R3HDM4: variants seen among roughly 807,000 people sequenced by gnomAD.
R3HDM4 encodes the protein R3H domain-containing protein 4.
Under a neutral mutation model 31.3 loss-of-function variants are expected in R3HDM4, and 30 were observed. The observed-to-expected ratio is 0.96, with a 90% CI of 0.72 to 1.30. The LOEUF is 1.30. R3HDM4 is among the 50% of genes most tolerant of loss of function. The pLI is 0.00. For synonymous variants in R3HDM4, 196 were observed against 156.6 expected (o/e 1.25, Z -1.88); for missense variants, 444 against 366.1 (o/e 1.21, Z -1.74).
chr19:897,235 T>C lies in R3HDM4; in HGVS notation c.*202A>G. The stretch of plus-strand genomic sequence containing the variant: ...AGTCCCGGAGTGGGAAGCTTGGAGC[T>C]GGGATGGCATGGGCAGCCCCAGCCG... On this transcript the variant is annotated 3_prime_UTR_variant, in exon 8 of 8. Transcript: ENST00000361574. 1.9e-6 allele frequency: 1 copy of C among 516,354 alleles called. No individual in the cohort carries two copies. Among genetic ancestry groups the C allele is most frequent in the Non-Finnish European group, 3.4e-6 (1 of 293,118 alleles). The allele number at this position is 516,354 out of a possible 1,614,324, so 32.0% of individuals were successfully genotyped here. A position where few individuals can be genotyped will look rare whatever the true frequency, so the allele number is the denominator to read the frequency against.
rs752179633 is a variant in R3HDM4 at position 899,681 on chromosome 19, C to G, written c.567G>C (p.Thr189=). 6.3e-7 allele frequency: 1 copy of G among 1,590,116 alleles called. No individual in the cohort carries two copies. The highest frequency in any genetic ancestry group is 8.6e-7 in the Non-Finnish European group (1 of 1,167,640). Residue 189 remains threonine (T), a synonymous_variant, in exon 6 of 8, where the codon ACG becomes ACC. Coordinates refer to ENST00000361574, the MANE Select transcript of R3HDM4 (RefSeq NM_138774.4). The surrounding 1 kb of genome is among the most constrained non-coding windows in gnomAD (Gnocchi z 6.8). ...GCAGCCGCTCCTCCCAGGTCTCCAGCGTTTCCTGGGGAGAGCGGCCCGGTG... is the reference window on the plus strand; with the variant it reads ...GCAGCCGCTCCTCCCAGGTCTCCAGGGTTTCCTGGGGAGAGCGGCCCGGTG... ...VLKRSRIPME[T]LETWEERLLR...
intron 1 of R3HDM4, among the ~76,000 whole-genome samples, chr19:904,211 C>T (rs1246530514): frequency 6.6e-6 from 1 of 152,192 alleles, no homozygotes; most frequent in Non-Finnish European, 1.5e-5. Context: ...GCTCCAACCC[C>T]ACAGTGGCAC....
intron 1 of R3HDM4, 112 bp downstream of exon 1, chr19:912,974 AG>A: frequency 7.0e-6 from 2 of 287,634 alleles, no homozygotes; most frequent in Non-Finnish European, 1.0e-5. Context: ...AGGGGAACGA[AG>A]GGAACGAGGG....
chr19:899,418 C>A lies in R3HDM4; in HGVS notation c.703+22G>T. On this transcript the variant is annotated intron_variant, in intron 7 of 7. Coordinates refer to ENST00000361574, the MANE Select transcript of R3HDM4 (RefSeq NM_138774.4). The surrounding 1 kb of genome is among the most constrained non-coding windows in gnomAD (Gnocchi z 6.8). ...CAGGTTGAGCTGGCCAACTTGGGGT[C>A]TTGGGGGCCACCGGCACTTACTGGC... 1 of 1,612,678 alleles carries A rather than the reference C, an allele frequency of 6.2e-7. No homozygotes were observed. The highest frequency in any genetic ancestry group is 1.1e-5 in the South Asian group (1 of 91,064).
chr19:907,693 G>A lies in R3HDM4; in HGVS notation c.71+5394C>T, dbSNP rs1351007458. Among the ~76,000 whole-genome samples the A allele has an allele frequency of 6.6e-6, 1 of 152,098 alleles. No homozygotes were observed. The highest frequency in any genetic ancestry group is 1.5e-5 in the Non-Finnish European group (1 of 68,016). On this transcript the variant is annotated intron_variant, in intron 1 of 7. Transcript: ENST00000361574. This position sits in a 1 kb window ranked among gnomAD's most constrained non-coding sequence, Gnocchi z 4.1. ...CCTCCAGGCCCACAAGGACCTGCCT[G>A]GTCCTTCCCCTGCTCCAGCACAGCC... is the stretch of plus-strand genomic sequence containing the variant.
At chr19:904,915 C>A (rs899743698) in intron 1 of R3HDM4, among the ~76,000 whole-genome samples, 1 of 152,018 alleles carries the variant, frequency 6.6e-6, no homozygotes, top group African/African-American at 2.4e-5. Context: ...CAAAAGTAAA[C>A]AAGCTGATTG....
chr19:898,865 C>T (rs530633940), intron 7 of R3HDM4, among the ~76,000 whole-genome samples: 1 of 152,266 alleles, frequency 6.6e-6, no homozygotes, highest in East Asian at 1.9e-4. Context: ...CGTCCGGTTG[C>T]CATGGAAACT....
rs565402377 is a variant in R3HDM4, at chr19:901,251, G to A, written c.351+171C>T. On this transcript the variant is annotated intron_variant, in intron 3 of 7. Transcript: ENST00000361574. ...AGGAGCTCGAAGGTTCCAGGGGTGG[G>A]GTGGGGATTCTGGCCTGGTCTGGGG... is the stretch of plus-strand genomic sequence containing the variant. 1.4e-3 allele frequency: 999 copies of A among 738,054 alleles called. 4 individuals carry two copies. Among genetic ancestry groups the A allele is most frequent in the Non-Finnish European group, 1.8e-3 (850 of 465,054 alleles). The allele number at this position is 738,054 out of a possible 1,614,324, so 45.7% of individuals were successfully genotyped here. A position where few individuals can be genotyped will look rare whatever the true frequency, so the allele number is the denominator to read the frequency against.
intron 1 of R3HDM4, among the ~76,000 whole-genome samples, chr19:911,184 G>T (rs1360926339): frequency 1.3e-5 from 2 of 152,060 alleles, no homozygotes; most frequent in African/African-American, 2.4e-5. Flanking sequence ...GGTGGCTCAC[G>T]CCTGTAATCC....
At position 901,529 on chromosome 19, in the gene R3HDM4, G is replaced by A; in HGVS notation, c.244C>T (p.Leu82=). 6.2e-7 allele frequency: 1 copy of A among 1,606,744 alleles called. No individual in the cohort carries two copies. Among genetic ancestry groups the A allele is most frequent in the Non-Finnish European group, 8.5e-7 (1 of 1,179,670 alleles). ...GGCAGGCCCCCGTCTGTCTCCAGCA[G>A]GGTCAGGAGGTACTGGGCTAGGTGG... The part of the protein sequence containing the change: ...RLENTQYLLT[L]LETDGGLPGL... The change falls in exon 3 of 8, where the codon CTG becomes TTG. Residue 82 remains leucine, a synonymous_variant. Transcript: ENST00000361574.
In R3HDM4 at chr19:906,009, C is replaced by T. The variant is rs145413613; in HGVS notation, c.72-3879G>A. 5.2e-3 allele frequency among the ~76,000 whole-genome samples: 784 copies of T among 151,894 alleles called. 7 individuals carry two copies. Among genetic ancestry groups the T allele is most frequent in the African/African-American group, 0.018 (736 of 41,458 alleles). On this transcript the variant is annotated intron_variant, in intron 1 of 7. Transcript: ENST00000361574. ...CAGCCCAGGGTGTGAACCCCAGCTA[C>T]GAAGCTTCACCCTGAAACCCCCTTT...
At position 907,117 on chromosome 19, in the gene R3HDM4, C is replaced by T. The variant is rs756642857; in HGVS notation, c.72-4987G>A. On this transcript the variant is annotated intron_variant, in intron 1 of 7. Transcript: ENST00000361574. The surrounding 1 kb of genome is among the most constrained non-coding windows in gnomAD (Gnocchi z 4.1). Reference sequence around the variant, plus strand: ...GGCATGAGCTACCACGCCCGGCCCTCATTATACAGATTTGTAAACCAAGGC... The same window carrying T: ...GGCATGAGCTACCACGCCCGGCCCTTATTATACAGATTTGTAAACCAAGGC... 6.6e-6 allele frequency among the ~76,000 whole-genome samples: 1 copy of T among 152,098 alleles called. No homozygotes were observed. Among genetic ancestry groups the T allele is most frequent in the Non-Finnish European group, 1.5e-5 (1 of 68,006 alleles).
rs2037003620 is a variant in R3HDM4 at position 913,130 on chromosome 19, C to G, written c.28G>C (p.Gly10Arg). 2 of 1,090,978 alleles carry G rather than the reference C, an allele frequency of 1.8e-6. No homozygotes were observed. The highest frequency in any genetic ancestry group is 2.2e-6 in the Non-Finnish European group (2 of 897,338). The allele number at this position is 1,090,978 out of a possible 1,614,324, so 67.6% of individuals were successfully genotyped here. ...GGGGTGCCCTCCGCCGCCTCCGGGC[C>G]GCACTCGGGGTTCTCCAGCGCGACC... The part of the protein sequence containing the change: MVALENPEC[G>R]PEAAEGTPGG... Residue 10 changes from glycine to arginine, a missense_variant, in exon 1 of 8, where the codon GGC (glycine) becomes CGC (arginine). Gly to Arg is a moderately radical substitution (Grantham distance 125). Transcript: ENST00000361574. The surrounding 1 kb of genome is among the most constrained non-coding windows in gnomAD (Gnocchi z 5.0).
intron 1 of R3HDM4, among the ~76,000 whole-genome samples, chr19:911,655 C>T (rs1436122381): frequency 6.6e-6 from 1 of 152,180 alleles, no homozygotes; most frequent in East Asian, 1.9e-4. Context: ...CGTCCGCACA[C>T]GGAGGAGGCA....
At chr19:904,257 C>G (rs892604725) in intron 1 of R3HDM4, among the ~76,000 whole-genome samples, 1 of 152,174 alleles carries the variant, frequency 6.6e-6, no homozygotes, top group Non-Finnish European at 1.5e-5. Context: ...CACGATTTCC[C>G]GTCCCGCCTC....
intron 1 of R3HDM4, among the ~76,000 whole-genome samples, chr19:912,018 G>C (rs1055502299): frequency 2.0e-5 from 3 of 148,650 alleles, no homozygotes; most frequent in Non-Finnish European, 4.5e-5. Context: ...AGGACCCTCT[G>C]GCGGGAGGCT....
chr19:902,058 C>A lies in R3HDM4; in HGVS notation c.144G>T (p.Gln48His), dbSNP rs766801241. ...VKRLSASRRKQHFINQAVRNS... is the reference protein window; with the variant it reads ...VKRLSASRRKHHFINQAVRNS... ...TCCGCACTGCCTGGTTGATGAAGTG[C>A]TGTTTCCGCCTGGAAGCCGAGAGTC... Residue 48 changes from glutamine to histidine, a missense_variant, in exon 2 of 8, where the codon CAG (glutamine) becomes CAT (histidine). Transcript: ENST00000361574. 6.2e-7 allele frequency: 1 copy of A among 1,613,912 alleles called. No homozygotes were observed. The highest frequency in any genetic ancestry group is 8.5e-7 in the Non-Finnish European group (1 of 1,180,018).
At position 899,604 on chromosome 19, in the gene R3HDM4, T is replaced by G. The variant is rs761701876; in HGVS notation, c.644A>C (p.Asn215Thr). Residue 215 changes from asparagine (N) to threonine (T), a missense_variant, in exon 6 of 8, where the codon AAC becomes ACC. Physicochemically the swap from Asn to Thr is moderately conservative, Grantham distance 65 (BLOSUM62 0). Coordinates refer to ENST00000361574, the MANE Select transcript of R3HDM4 (RefSeq NM_138774.4). The surrounding 1 kb of genome is among the most constrained non-coding windows in gnomAD (Gnocchi z 6.8). ...PQAVYTAMLD[N>T]SFERLLLHAV... ...TCGCCTGGCCGCCCCCCCTTACCTG[T>G]TGTCTAGCATTGCTGTGTACACGGC... is the stretch of plus-strand genomic sequence containing the variant. 1.7e-5 allele frequency: 27 copies of G among 1,612,474 alleles called. No homozygotes were observed. Among genetic ancestry groups the G allele is most frequent in the Non-Finnish European group, 2.2e-5 (26 of 1,179,498 alleles).
intron 7 of R3HDM4, among the ~76,000 whole-genome samples, chr19:898,330 G>A (rs187720652): frequency 0.015 from 2,217 of 147,176 alleles, 63 homozygotes; most frequent in Admixed American, 0.062. Context: ...GCGTGAACCC[G>A]GGAGGTGGAG....
Sources: gnomAD v4.1 joint callset for allele counts (sites outside exome capture counted in the v4.1 genomes callset) on GRCh38, gnomAD v4.1.1 for gene constraint, Gnocchi (gnomAD v3.1) non-coding constraint, MANE v1.5 for transcripts, NCBI Gene and HGNC (gene_info 2026-07-23, HGNC 2026-07-21) for gene names.